The following C16orf89 variants were observed in gnomAD, a reference collection of about 807,000 sequenced individuals.
C16orf89 encodes chromosome 16 open reading frame 89.
C16orf89 carries 57 observed loss-of-function variants against 41.5 expected under a neutral mutation model. That is an observed-to-expected ratio of 1.38 (90% CI 1.11 to 1.71). The LOEUF (loss-of-function observed/expected upper bound fraction) is 1.71, where lower values mean the gene tolerates loss of function less well. Ranked by LOEUF, C16orf89 falls within the 40% of genes most tolerant of loss-of-function variation. The probability of loss-of-function intolerance (pLI) is 0.00; values close to 1 mark genes in which losing one functional copy is unlikely to be tolerated. For missense variants in C16orf89, 575 were observed against 445.9 expected, an observed-to-expected ratio of 1.29 and a Z score of -2.61; for synonymous variants, 223 against 190.6, an observed-to-expected ratio of 1.17 and a Z score of -1.40.
At chr16:5,060,550 G>C (rs1045810159) in intron 2 of C16orf89, 114 bp from the exon 3 acceptor site, 4 of 1,147,270 alleles carry the variant, frequency 3.5e-6, no homozygotes, top group Non-Finnish European at 4.9e-6. Context: ...GTGCAGCTCA[G>C]GGCTCTAAGC....
intron 7 of C16orf89, among the ~76,000 whole-genome samples, chr16:5,046,398 C>G (rs1323778151): frequency 2.0e-5 from 3 of 152,060 alleles, no homozygotes; most frequent in Non-Finnish European, 1.5e-5. Context: ...GTCACCCAGG[C>G]TGGAGTGCAG....
At chr16:5,048,329 T>G (rs886376844) in intron 6 of C16orf89, among the ~76,000 whole-genome samples, 1 of 152,210 alleles carries the variant, frequency 6.6e-6, no homozygotes, top group African/African-American at 2.4e-5. Flanking sequence ...CCCCTGCAGC[T>G]GGTCTCAAGC....
At chr16:5,052,557 C>G (rs907021753) in intron 6 of C16orf89, among the ~76,000 whole-genome samples, 4 of 151,796 alleles carry the variant, frequency 2.6e-5, no homozygotes, top group Non-Finnish European at 4.4e-5. Flanking sequence ...CACCACTGCA[C>G]TCCAGCCTGG....
intron 6 of C16orf89, among the ~76,000 whole-genome samples, chr16:5,051,927 C>T (rs1035574939): frequency 6.6e-6 from 1 of 151,940 alleles, no homozygotes; most frequent in Admixed American, 6.6e-5. Flanking sequence ...TGTAGAAACC[C>T]TGTCTCTACT....
At position 5,058,645 on chromosome 16, in the gene C16orf89, A is replaced by G. The variant is rs749670560; in HGVS notation, c.510-35T>C. ...AGTGGTTCCAAGCTGTTAAGGATGG[A>G]GCGCTGACTCTGCCCTGCGTCTTCC... On this transcript the variant is annotated intron_variant, in intron 3 of 7. Transcript: ENST00000472572. 4.6e-6 allele frequency: 7 copies of G among 1,536,624 alleles called. No individual in the cohort carries two copies. In the East Asian group the frequency reaches 1.6e-4, roughly 36 times the overall value.
chr16:5,062,680 C>G, intron 1 of C16orf89, 106 bp from the exon 2 acceptor site: 1 of 1,259,884 alleles, frequency 7.9e-7, no homozygotes, highest in Non-Finnish European at 1.1e-6. Context: ...TCCTGGGAGC[C>G]TCTCTGCCTT....
intron 6 of C16orf89, among the ~76,000 whole-genome samples, chr16:5,054,013 C>A (rs567850380): frequency 6.6e-6 from 1 of 152,178 alleles, no homozygotes; most frequent in African/African-American, 2.4e-5. Context: ...ATAATAAAGC[C>A]AAAAATGCAA....
chr16:5,048,540 G>A (rs1051560202), intron 6 of C16orf89, among the ~76,000 whole-genome samples: 5 of 152,138 alleles, frequency 3.3e-5, no homozygotes, highest in African/African-American at 7.2e-5. Context: ...AACCACTGGA[G>A]GTGCCTGTTA....
In C16orf89 at chr16:5,062,580, A is replaced by C. The variant is rs1281857491; in HGVS notation, c.209-6T>G. The C allele has an allele frequency of 6.2e-7, 1 of 1,602,810 alleles. No individual in the cohort carries two copies. The highest frequency in any genetic ancestry group is 1.3e-5 in the African/African-American group (1 of 74,352). The stretch of plus-strand genomic sequence containing the variant: ...CCGGACACTTTTTAGCTGCTCTGGA[A>C]GGGAACAGAGTTAATTCATTCAACT... On this transcript the variant is annotated splice_polypyrimidine_tract_variant and splice_region_variant and intron_variant, in intron 1 of 7. Transcript: ENST00000472572.
chr16:5,047,851 A>G lies in C16orf89; in HGVS notation c.955+27T>C, dbSNP rs766543263. 15 of 1,332,342 alleles carry G rather than the reference A, an allele frequency of 1.1e-5. No individual in the cohort carries two copies. The South Asian group carries it at 1.4e-4, about 13-fold the overall frequency. The allele number at this position is 1,332,342 out of a possible 1,614,324, so 82.5% of individuals were successfully genotyped here. A position where few individuals can be genotyped will look rare whatever the true frequency, so the allele number is the denominator to read the frequency against. On this transcript the variant is annotated intron_variant, in intron 7 of 7. Transcript: ENST00000472572. ...GCTAGGATATCTTAGTTTCATGTCA[A>G]GAAACTCCCTTGGGTATTTTCATTA...
intron 4 of C16orf89, among the ~76,000 whole-genome samples, chr16:5,056,650 C>A (rs963723237): frequency 7.9e-5 from 12 of 152,134 alleles, no homozygotes; most frequent in African/African-American, 2.7e-4. Flanking sequence ...AAGAACCGGG[C>A]TGGTGACTCC....
chr16:5,049,006 A>C (rs1049670956), intron 6 of C16orf89, among the ~76,000 whole-genome samples: 3 of 152,254 alleles, frequency 2.0e-5, no homozygotes, highest in Non-Finnish European at 4.4e-5. Flanking sequence ...ATATGGAATG[A>C]AAGTGAAAGA....
At chr16:5,053,442 C>G (rs1004228363) in intron 6 of C16orf89, among the ~76,000 whole-genome samples, 1 of 151,448 alleles carries the variant, frequency 6.6e-6, no homozygotes, top group Non-Finnish European at 1.5e-5. Flanking sequence ...AGGAGATAAC[C>G]AGAGGTTGGT....
chr16:5,056,866 G>C (rs887285444), intron 4 of C16orf89, among the ~76,000 whole-genome samples: 1 of 152,154 alleles, frequency 6.6e-6, no homozygotes, highest in African/African-American at 2.4e-5. Context: ...AACAGAGAGT[G>C]TCTCCTCAGC....
chr16:5,055,525 G>T, intron 5 of C16orf89, 175 bp from the exon 6 acceptor site: 1 of 967,026 alleles, frequency 1.0e-6, no homozygotes, highest in Non-Finnish European at 1.5e-6. Flanking sequence ...ACCAACTAGG[G>T]GCTCCCATGC....
Position 5,058,889 on chromosome 16 carries a change from C to T in C16orf89, c.510-279G>A, listed in dbSNP as rs532400108. 5.3e-4 allele frequency among the ~76,000 whole-genome samples: 80 copies of T among 152,152 alleles called. No homozygotes were observed. The Middle Eastern group carries it at 0.014, about 26-fold the overall frequency. Reference sequence around the variant, plus strand: ...TGGGCCAAATCACATCTTTTCCAGCCCCGAACAGTGGGTACTTGAACCCAG... The same window carrying T: ...TGGGCCAAATCACATCTTTTCCAGCTCCGAACAGTGGGTACTTGAACCCAG... On this transcript the variant is annotated intron_variant, in intron 3 of 7. Coordinates refer to ENST00000472572, the MANE Select transcript of C16orf89 (RefSeq NM_001098514.3).
intron 2 of C16orf89, among the ~76,000 whole-genome samples, chr16:5,062,015 A>G (rs150905769): frequency 7.0e-4 from 107 of 152,344 alleles, no homozygotes; most frequent in African/African-American, 2.4e-3. Context: ...GGGAATTTCT[A>G]CTGACATTTA....
intron 5 of C16orf89, 40 bp from the exon 6 acceptor site, chr16:5,055,390 C>CA (rs1335543991): frequency 1.3e-6 from 2 of 1,507,132 alleles, no homozygotes; most frequent in African/African-American, 2.8e-5. Flanking sequence ...GCCTGCCCCC[C>CA]AGGCCCACCT....
chr16:5,065,254 G>A (rs1956714029), intron 1 of C16orf89, among the ~76,000 whole-genome samples: 1 of 152,178 alleles, frequency 6.6e-6, no homozygotes, highest in African/African-American at 2.4e-5. Flanking sequence ...TGTTTTTGCA[G>A]AACCTTCAGG....
Sources: gnomAD v4.1 joint callset for allele counts (sites outside exome capture counted in the v4.1 genomes callset) on GRCh38, gnomAD v4.1.1 for gene constraint, MANE v1.5 for transcripts, NCBI Gene and HGNC (gene_info 2026-07-23, HGNC 2026-07-21) for gene names.